PKIB: variants seen among roughly 807,000 people sequenced by gnomAD.
PKIB encodes the protein PKI-beta.
A neutral mutation model predicts 4.5 loss-of-function variants in PKIB; 2 were observed. That is an observed-to-expected ratio of 0.44 (90% CI 0.18 to 1.39). The LOEUF (loss-of-function observed/expected upper bound fraction) is 1.39, where lower values mean the gene tolerates loss of function less well. Among genes scored for constraint, PKIB ranks in the 40% most tolerant of loss-of-function variants. The pLI is 0.27. For synonymous variants in PKIB, 38 were observed against 36.0 expected, an observed-to-expected ratio of 1.06 and a Z score of -0.20; for missense variants, 94 against 92.6, an observed-to-expected ratio of 1.02 and a Z score of -0.06.
Position 122,616,606 on chromosome 6 carries a change from T to A in PKIB, c.-161+6071T>A, listed in dbSNP as rs142777957. ...GTATAGAAAAGACAATTTATGGAGC[T>A]GCTTTCCAATAAAGGGGATTGGGTT... On this transcript the variant is annotated intron_variant, in intron 1 of 4. Coordinates refer to ENST00000368452, the MANE Select transcript of PKIB (RefSeq NM_181795.3). Among the ~76,000 whole-genome samples the A allele has an allele frequency of 2.0e-5, 3 of 152,160 alleles. No individual in the cohort carries two copies. In the South Asian group the frequency reaches 6.2e-4, roughly 32 times the overall value.
intron 3 of PKIB, among the ~76,000 whole-genome samples, chr6:122,704,754 T>TGTGTGTGTG (rs1288013108): frequency 6.0e-5 from 5 of 83,500 alleles, no homozygotes; most frequent in Non-Finnish European, 1.2e-4. Context: ...GTGTGTGTGT[T>TGTGTGTGTG]TATGTTTAGA....
chr6:122,547,896 CG>C (rs900985098), intron 2 of PKIB, among the ~76,000 whole-genome samples: 3 of 51,834 alleles, frequency 5.8e-5, no homozygotes, highest in African/African-American at 1.1e-4. Context: ...CCAAACTCAC[CG>C]AAGTCACTTT....
chr6:122,523,831 G>A (rs563114240), intron 2 of PKIB, among the ~76,000 whole-genome samples: 17 of 150,774 alleles, frequency 1.1e-4, no homozygotes, highest in Non-Finnish European at 1.6e-4. Context: ...CTTTCCTGCC[G>A]CCATGTAAGA....
At chr6:122,588,051 G>T (rs1227115049) in intron 3 of PKIB, among the ~76,000 whole-genome samples, 2 of 152,006 alleles carry the variant, frequency 1.3e-5, no homozygotes, top group South Asian at 2.1e-4. Context: ...GTCAGTTTTG[G>T]CTTTTGTTGC....
intron 2 of PKIB, among the ~76,000 whole-genome samples, chr6:122,567,323 T>C (rs1350242978): frequency 1.3e-5 from 2 of 152,198 alleles, no homozygotes; most frequent in Non-Finnish European, 2.9e-5. Flanking sequence ...CTTTGAAGTG[T>C]GTGCTTTATA....
exon 1 of PKIB, chr6:122,471,992 A>G (rs1300530562): frequency 7.1e-6 from 6 of 842,918 alleles, no homozygotes; most frequent in Admixed American, 6.6e-5. Context: ...CTGGCTGGAA[A>G]CTTAACGGCT....
chr6:122,540,204 A>T (rs1353074873), intron 2 of PKIB, among the ~76,000 whole-genome samples: 1 of 151,578 alleles, frequency 6.6e-6, no homozygotes, highest in Non-Finnish European at 1.5e-5. Context: ...GATTTTACTT[A>T]TTTCTTGCCT....
chr6:122,599,865 C>G (rs1260020290), intron 3 of PKIB, among the ~76,000 whole-genome samples: 1 of 152,078 alleles, frequency 6.6e-6, no homozygotes, highest in Admixed American at 6.6e-5. Flanking sequence ...CCAGAAACCC[C>G]AAAACCAATG....
intron 1 of PKIB, among the ~76,000 whole-genome samples, chr6:122,627,250 A>G (rs1367909758): frequency 6.6e-6 from 1 of 151,778 alleles, no homozygotes; most frequent in Non-Finnish European, 1.5e-5. Flanking sequence ...TCTCCAAAAA[A>G]AAAAAAGAAA....
intron 2 of PKIB, among the ~76,000 whole-genome samples, chr6:122,525,348 A>G (rs1777066094): frequency 6.6e-6 from 1 of 152,272 alleles, no homozygotes; most frequent in South Asian, 2.1e-4. Flanking sequence ...AAATTGTTGA[A>G]GATTTGTTTT....
intron 4 of PKIB, among the ~76,000 whole-genome samples, chr6:122,719,813 AC>A (rs1779661129): frequency 6.6e-6 from 1 of 151,932 alleles, no homozygotes. Context: ...TGATTTAGCC[AC>A]TCCACAATGT....
chr6:122,581,809 G>A (rs1237152371), intron 2 of PKIB: 2 of 151,856 alleles, frequency 1.3e-5, no homozygotes, highest in Non-Finnish European at 2.9e-5. Context: ...TCTGACTACC[G>A]AGTCAACATT....
intron 2 of PKIB, among the ~76,000 whole-genome samples, chr6:122,663,897 T>A (rs1777113150): frequency 6.6e-6 from 1 of 152,182 alleles, no homozygotes; most frequent in Non-Finnish European, 1.5e-5. Context: ...AGTGTGATTG[T>A]TTCAGACCAA....
intron 1 of PKIB, among the ~76,000 whole-genome samples, chr6:122,631,199 G>A (rs376952523): frequency 1.3e-5 from 2 of 152,178 alleles, no homozygotes; most frequent in African/African-American, 4.8e-5. Flanking sequence ...GTCCAGTAAT[G>A]TCTGGAGATA....
intron 2 of PKIB, among the ~76,000 whole-genome samples, chr6:122,672,255 G>A (rs182452227): frequency 5.4e-4 from 82 of 152,276 alleles, no homozygotes; most frequent in African/African-American, 1.7e-3. Context: ...CTTGAAGCCC[G>A]AGGTACCCAG....
At chr6:122,598,736 C>T (rs1010361960) in intron 3 of PKIB, among the ~76,000 whole-genome samples, 5 of 152,168 alleles carry the variant, frequency 3.3e-5, no homozygotes, top group African/African-American at 1.2e-4. Flanking sequence ...TCAGGCATTT[C>T]CAGCTCGCTC....
chr6:122,674,416 CTA>C (rs1260006372), intron 2 of PKIB, among the ~76,000 whole-genome samples: 1 of 152,108 alleles, frequency 6.6e-6, no homozygotes, highest in Admixed American at 6.5e-5. Flanking sequence ...TGCCTTATTG[CTA>C]TGAGTGGCTA....
At chr6:122,541,891 CT>C (rs1210815123) in intron 2 of PKIB, among the ~76,000 whole-genome samples, 1 of 151,892 alleles carries the variant, frequency 6.6e-6, no homozygotes, top group Non-Finnish European at 1.5e-5. Flanking sequence ...TCTTTTTATT[CT>C]TTTTTCTCTA....
chr6:122,635,985 A>C lies in PKIB; in HGVS notation c.-76+2618A>C, dbSNP rs1775903995. Among the ~76,000 whole-genome samples the C allele has an allele frequency of 3.3e-5, 5 of 152,158 alleles. No individual in the cohort carries two copies. The South Asian group carries it at 8.3e-4, about 25-fold the overall frequency. ...TTAACCAACGCAATAAATGTTTTAA[A>C]AGACTAATATTTTCTTCATTTTTCT... On this transcript the variant is annotated intron_variant, in intron 2 of 4. Transcript: ENST00000368452.
Sources: gnomAD v4.1 joint callset for allele counts (sites outside exome capture counted in the v4.1 genomes callset) on GRCh38, gnomAD v4.1.1 for gene constraint, MANE v1.5 for transcripts, NCBI Gene and HGNC (gene_info 2026-07-23, HGNC 2026-07-21) for gene names.